The following ZRANB3 variants were observed in gnomAD, a reference collection of about 807,000 sequenced individuals.
The protein encoded by ZRANB3 is zinc finger RANBP2-type containing 3, also known as DNA annealing helicase and endonuclease ZRANB3.
A neutral mutation model predicts 133.8 loss-of-function variants in ZRANB3; 125 were observed. The ratio of observed to expected loss-of-function variants is 0.93; its 90% CI spans 0.81 to 1.08. The LOEUF is 1.08. Ranked by LOEUF, ZRANB3 falls within the 50% of genes least tolerant of loss-of-function variation. ZRANB3 has a pLI of 0.00. For missense variants in ZRANB3, 1,229 were observed against 1,275.5 expected (o/e 0.96, Z 0.56); for synonymous variants, 387 against 432.7 (o/e 0.89, Z 1.31).
chr2:135,464,701 T>C (rs1243271174), intron 2 of ZRANB3, among the ~76,000 whole-genome samples: 1 of 152,082 alleles, frequency 6.6e-6, no homozygotes. Flanking sequence ...AACTGACAGG[T>C]AGTTCTTAAG....
At chr2:135,346,851 A>G (rs1184522784) in intron 5 of ZRANB3, among the ~76,000 whole-genome samples, 2 of 152,228 alleles carry the variant, frequency 1.3e-5, no homozygotes, top group African/African-American at 4.8e-5. Context: ...GGCTTTCAAT[A>G]GATTCACATA....
At chr2:135,510,832 T>C (rs867143911) in intron 1 of ZRANB3, 14 of 865,824 alleles carry the variant, frequency 1.6e-5, no homozygotes, top group Middle Eastern at 4.3e-4. Flanking sequence ...CCACTGTTAA[T>C]GTGCAACTCC....
intron 17 of ZRANB3, among the ~76,000 whole-genome samples, chr2:135,216,732 G>A (rs923016672): frequency 2.6e-5 from 4 of 152,006 alleles, no homozygotes; most frequent in East Asian, 3.9e-4. Context: ...GAGCCACCGC[G>A]CGCAGCCTGC....
intron 17 of ZRANB3, among the ~76,000 whole-genome samples, chr2:135,215,310 G>A (rs952353787): frequency 1.3e-5 from 2 of 151,820 alleles, no homozygotes; most frequent in Admixed American, 1.3e-4. Context: ...AGGCTGAACT[G>A]CAGTGGCACA....
intron 2 of ZRANB3, among the ~76,000 whole-genome samples, chr2:135,467,122 C>T (rs1418085992): frequency 3.3e-5 from 5 of 152,122 alleles, no homozygotes; most frequent in African/African-American, 7.2e-5. Context: ...ATTCCTCTTC[C>T]GATGGCTTAA....
At chr2:135,248,441 A>C (rs1558861465) in intron 12 of ZRANB3, among the ~76,000 whole-genome samples, 1 of 152,244 alleles carries the variant, frequency 6.6e-6, no homozygotes, top group Non-Finnish European at 1.5e-5. Context: ...GTGGGATCTA[A>C]TTAAACTTAA....
At chr2:135,404,481 T>C (rs1397123991) in intron 2 of ZRANB3, among the ~76,000 whole-genome samples, 1 of 152,204 alleles carries the variant, frequency 6.6e-6, no homozygotes, top group Non-Finnish European at 1.5e-5. Flanking sequence ...CTGATTGGTG[T>C]ACCTCAAAGT....
At chr2:135,251,283 G>C (rs1679382685) in intron 12 of ZRANB3, among the ~76,000 whole-genome samples, 1 of 152,184 alleles carries the variant, frequency 6.6e-6, no homozygotes, top group Non-Finnish European at 1.5e-5. Context: ...GCTTGCTTTT[G>C]ATTTTATAGG....
At chr2:135,436,831 G>A in intron 2 of ZRANB3, among the ~76,000 whole-genome samples, 1 of 152,028 alleles carries the variant, frequency 6.6e-6, no homozygotes. Context: ...AAAAGAATAA[G>A]GCTGGAGGTA....
intron 1 of ZRANB3, among the ~76,000 whole-genome samples, chr2:135,522,024 G>C (rs544205881): frequency 7.4e-4 from 113 of 152,240 alleles, no homozygotes; most frequent in Non-Finnish European, 1.2e-3. Flanking sequence ...TAACAGCTCT[G>C]CAGCATGCCA....
Position 135,236,310 on chromosome 2 carries a change from C to T in ZRANB3, c.1540-5383G>A, listed in dbSNP as rs1013702030. 2.6e-5 allele frequency among the ~76,000 whole-genome samples: 4 copies of T among 152,014 alleles called. No homozygotes were observed. The East Asian group carries it at 7.7e-4, about 29-fold the overall frequency. On this transcript the variant is annotated intron_variant, in intron 12 of 20. Coordinates refer to ENST00000264159, the MANE Select transcript of ZRANB3 (RefSeq NM_032143.4). ...AAGAGGATACAAACAAATGGAAGAA[C>T]ATTCCATGCTCATGGGTAGGAAGAA...
intron 2 of ZRANB3, among the ~76,000 whole-genome samples, chr2:135,417,731 G>A (rs368706752): frequency 5.9e-5 from 9 of 152,122 alleles, no homozygotes; most frequent in South Asian, 2.1e-4. Context: ...ACAATGATAG[G>A]CTGGATTAAG....
At chr2:135,429,495 C>T (rs1689228656) in intron 2 of ZRANB3, among the ~76,000 whole-genome samples, 1 of 152,008 alleles carries the variant, frequency 6.6e-6, no homozygotes, top group Admixed American at 6.5e-5. Flanking sequence ...TATAAGAAAC[C>T]TGCACATGTA....
chr2:135,249,045 T>C (rs1402599700), intron 12 of ZRANB3, among the ~76,000 whole-genome samples: 1 of 152,010 alleles, frequency 6.6e-6, no homozygotes, highest in African/African-American at 2.4e-5. Context: ...AAAACCACAG[T>C]GAGATACGAT....
intron 12 of ZRANB3, among the ~76,000 whole-genome samples, chr2:135,261,062 T>C (rs530776243): frequency 6.0e-5 from 9 of 150,930 alleles, no homozygotes; most frequent in African/African-American, 2.2e-4. Context: ...ACCATCCAAT[T>C]AGAACTGATA....
intron 3 of ZRANB3, among the ~76,000 whole-genome samples, chr2:135,388,666 T>C (rs1687090474): frequency 6.6e-6 from 1 of 152,232 alleles, no homozygotes; most frequent in Non-Finnish European, 1.5e-5. Context: ...CTTGAGGTTT[T>C]GGAGAATGAG....
At position 135,306,999 on chromosome 2, in the gene ZRANB3, T is replaced by A. The variant is rs567049696; in HGVS notation, c.966+6490A>T. 5.9e-5 allele frequency among the ~76,000 whole-genome samples: 9 copies of A among 152,352 alleles called. No homozygotes were observed. The East Asian group carries it at 1.7e-3, about 29-fold the overall frequency. On this transcript the variant is annotated intron_variant, in intron 8 of 20. Transcript: ENST00000264159. The stretch of plus-strand genomic sequence containing the variant: ...CCTCAACCTCTCAAACTGCTGGCAT[T>A]ACAGGCATGAGCCACTGTGCCAGTC...
At chr2:135,457,633 G>A (rs983051697) in intron 2 of ZRANB3, among the ~76,000 whole-genome samples, 2 of 151,994 alleles carry the variant, frequency 1.3e-5, no homozygotes, top group Admixed American at 1.3e-4. Context: ...TGAGTTATAA[G>A]TTGTTTATAT....
At chr2:135,515,366 T>C (rs1196637505) in intron 1 of ZRANB3, among the ~76,000 whole-genome samples, 1 of 152,184 alleles carries the variant, frequency 6.6e-6, no homozygotes, top group East Asian at 1.9e-4. Flanking sequence ...TTGAATTTGT[T>C]TGTGATATTA....
Sources: gnomAD v4.1 joint callset for allele counts (sites outside exome capture counted in the v4.1 genomes callset) on GRCh38, gnomAD v4.1.1 for gene constraint, MANE v1.5 for transcripts, NCBI Gene and HGNC (gene_info 2026-07-23, HGNC 2026-07-21) for gene names.